TFCP2L1: variants seen among roughly 807,000 people sequenced by gnomAD.
TFCP2L1 encodes transcription factor CP2-like protein 1.
In TFCP2L1, 12 loss-of-function variants were observed where a neutral mutation model predicts 72.2. That is an observed-to-expected ratio of 0.17 (90% CI 0.11 to 0.27). The LOEUF (loss-of-function observed/expected upper bound fraction) is 0.27. TFCP2L1 is among the 10% of genes least tolerant of loss of function. TFCP2L1 has a pLI of 1.00. For synonymous variants in TFCP2L1, 260 were observed against 251.0 expected (o/e 1.04, Z -0.34); for missense variants, 488 against 624.6 (o/e 0.78, Z 2.33).
intron 1 of TFCP2L1, among the ~76,000 whole-genome samples, 188 bp from the exon 2 acceptor site, chr2:121,281,459 T>G (rs1573403095): frequency 6.6e-6 from 1 of 151,894 alleles, no homozygotes; most frequent in African/African-American, 2.4e-5. Context: ...AGGAAACCGC[T>G]CCTTCGTGAC....
chr2:121,248,880 T>C, intron 4 of TFCP2L1, 102 bp downstream of exon 4: 1 of 921,164 alleles, frequency 1.1e-6, no homozygotes, highest in Non-Finnish European at 1.6e-6. Flanking sequence ...AGGTGCAAGC[T>C]AAAACGCCTT....
intron 12 of TFCP2L1, among the ~76,000 whole-genome samples, chr2:121,232,595 A>G (rs938837437): frequency 2.6e-5 from 4 of 152,198 alleles, no homozygotes; most frequent in Non-Finnish European, 5.9e-5. Flanking sequence ...CATCAGAAGG[A>G]AGCAACAAAT....
intron 12 of TFCP2L1, among the ~76,000 whole-genome samples, 156 bp from the exon 13 acceptor site, chr2:121,232,124 TTTGTTTTG>T (rs1338752798): frequency 1.4e-5 from 2 of 142,362 alleles, no homozygotes; most frequent in African/African-American, 6.0e-5. Context: ...TTTGTTTTGT[TTTGTTTTG>T]TTTTGTTTTG....
intron 2 of TFCP2L1, among the ~76,000 whole-genome samples, chr2:121,280,736 C>G (rs1687238592): frequency 1.4e-5 from 2 of 146,492 alleles, no homozygotes; most frequent in Admixed American, 1.4e-4. Context: ...TGCATGCCAG[C>G]CTGGGCAACA....
chr2:121,281,396 G>A, intron 1 of TFCP2L1, 125 bp from the exon 2 acceptor site: 1 of 1,101,938 alleles, frequency 9.1e-7, no homozygotes, highest in South Asian at 1.5e-5. Context: ...GCGCATCGCA[G>A]GGTGCTGGCT....
intron 2 of TFCP2L1, among the ~76,000 whole-genome samples, chr2:121,263,380 T>C (rs1558741593): frequency 6.6e-6 from 1 of 150,942 alleles, no homozygotes; most frequent in Non-Finnish European, 1.5e-5. Context: ...CAAGTGCATA[T>C]GGTTTAACCT....
At chr2:121,242,306 T>G in intron 7 of TFCP2L1, 53 bp downstream of exon 7, 1 of 1,490,064 alleles carries the variant, frequency 6.7e-7, no homozygotes, top group African/African-American at 1.4e-5. Flanking sequence ...CCAGCAGCCC[T>G]GCTCCTGGTG....
chr2:121,281,859 A>G (rs988165917), intron 1 of TFCP2L1, among the ~76,000 whole-genome samples: 3 of 132,678 alleles, frequency 2.3e-5, no homozygotes, highest in Admixed American at 9.1e-5. Flanking sequence ...TTTCAGGGTC[A>G]TTCTAATCTG....
intron 13 of TFCP2L1, among the ~76,000 whole-genome samples, chr2:121,227,080 T>C (rs1442869241): frequency 1.3e-5 from 2 of 152,156 alleles, no homozygotes; most frequent in African/African-American, 2.4e-5. Context: ...TGCATGACCT[T>C]CCAAACAAAA....
intron 2 of TFCP2L1, among the ~76,000 whole-genome samples, chr2:121,259,194 A>T (rs532933714): frequency 6.6e-6 from 1 of 152,270 alleles, no homozygotes; most frequent in South Asian, 2.1e-4. Context: ...GAGGTAGGAC[A>T]ATCACTTGAA....
intron 14 of TFCP2L1, among the ~76,000 whole-genome samples, chr2:121,224,700 T>C (rs4988982): frequency 0.34 from 51,354 of 152,060 alleles, 9,080 homozygotes; most frequent in South Asian, 0.48. Context: ...CACTTGGTGG[T>C]GGCTGGGCGT....
chr2:121,247,073 C>A, intron 5 of TFCP2L1, 103 bp from the exon 6 acceptor site: 2 of 1,388,806 alleles, frequency 1.4e-6, no homozygotes, highest in Admixed American at 2.1e-5. Context: ...CCTGCTTGGT[C>A]AGTGCAGGCC....
chr2:121,268,812 C>T (rs1369060625), intron 2 of TFCP2L1, among the ~76,000 whole-genome samples: 1 of 149,138 alleles, frequency 6.7e-6, no homozygotes, highest in Non-Finnish European at 1.5e-5. Context: ...ACTTTAATAA[C>T]ACATACTAGA....
In TFCP2L1 at chr2:121,219,660, G is replaced by C. The variant is rs962653892; in HGVS notation, c.*4681C>G. ...TTTTTATTTTCAAAAAGACAGAGATGGAGTCTCACTACGATGCCCAGGCTG... is the reference window on the plus strand; with the variant it reads ...TTTTTATTTTCAAAAAGACAGAGATCGAGTCTCACTACGATGCCCAGGCTG... On this transcript the variant is annotated 3_prime_UTR_variant, in exon 15 of 15. Coordinates refer to ENST00000263707, the MANE Select transcript of TFCP2L1 (RefSeq NM_014553.3). The C allele has an allele frequency of 6.6e-6, 1 of 152,208 alleles. No individual in the cohort carries two copies. Among genetic ancestry groups the C allele is most frequent in the Non-Finnish European group, 1.5e-5 (1 of 68,036 alleles). The allele number at this position is 152,208 out of a possible 1,614,324, so 9.4% of individuals were successfully genotyped here. A position where few individuals can be genotyped will look rare whatever the true frequency, so the allele number is the denominator to read the frequency against.
chr2:121,269,024 T>C (rs1686989527), intron 2 of TFCP2L1, among the ~76,000 whole-genome samples: 1 of 151,878 alleles, frequency 6.6e-6, no homozygotes, highest in East Asian at 1.9e-4. Context: ...GGAAAGGCTT[T>C]TTTTTTTATT....
chr2:121,251,607 T>C (rs1215100610), intron 2 of TFCP2L1, among the ~76,000 whole-genome samples: 1 of 152,236 alleles, frequency 6.6e-6, no homozygotes, highest in Non-Finnish European at 1.5e-5. Flanking sequence ...AAGAGATCTA[T>C]TGTACAACAT....
intron 1 of TFCP2L1, among the ~76,000 whole-genome samples, chr2:121,283,198 C>T (rs1406246503): frequency 6.6e-6 from 1 of 152,044 alleles, no homozygotes; most frequent in African/African-American, 2.4e-5. Context: ...CTTTATTTGC[C>T]AAGGAATAAA....
intron 6 of TFCP2L1, among the ~76,000 whole-genome samples, chr2:121,245,608 C>G (rs2104697933): frequency 6.6e-6 from 1 of 152,330 alleles, no homozygotes; most frequent in East Asian, 1.9e-4. Flanking sequence ...CCTGTGCCCA[C>G]AACGGTCAGG....
rs372413439 is a variant in TFCP2L1, at chr2:121,224,290, C to T, written c.*51G>A. On this transcript the variant is annotated 3_prime_UTR_variant, in exon 15 of 15. Transcript: ENST00000263707. ...TACAGTGGGGCAATGTCTACATCCACGGGGATCCACAGGGCTGGGAGCTGG... is the reference window on the plus strand; with the variant it reads ...TACAGTGGGGCAATGTCTACATCCATGGGGATCCACAGGGCTGGGAGCTGG... 25 of 1,607,750 alleles carry T rather than the reference C, an allele frequency of 1.6e-5. No homozygotes were observed. In the African/African-American group the frequency reaches 1.7e-4, roughly 11 times the overall value.
Sources: gnomAD v4.1 joint callset for allele counts (sites outside exome capture counted in the v4.1 genomes callset) on GRCh38, gnomAD v4.1.1 for gene constraint, MANE v1.5 for transcripts, NCBI Gene and HGNC (gene_info 2026-07-23, HGNC 2026-07-21) for gene names.